LPP: variants seen among roughly 807,000 people sequenced by gnomAD.
LPP encodes LIM domain containing preferred translocation partner in lipoma, also known as lipoma-preferred partner.
In LPP, 38 loss-of-function variants were observed where a neutral mutation model predicts 60.4. That is an observed-to-expected ratio of 0.63 (90% CI 0.49 to 0.83). LPP has a LOEUF of 0.83. LPP is among the 40% of genes least tolerant of loss of function. The probability of loss-of-function intolerance (pLI) is 0.00; values close to 1 mark genes in which losing one functional copy is unlikely to be tolerated. For missense variants in LPP, 902 were observed against 783.6 expected, an observed-to-expected ratio of 1.15 and a Z score of -1.80; for synonymous variants, 328 against 290.8, an observed-to-expected ratio of 1.13 and a Z score of -1.30.
At chr3:188,789,578 T>TGGTGC (rs1743044909) in intron 9 of LPP, among the ~76,000 whole-genome samples, 4 of 152,202 alleles carry the variant, frequency 2.6e-5, no homozygotes, top group Admixed American at 2.0e-4. Flanking sequence ...TATGTGTCTG[T>TGGTGC]GGTGCTTTCC....
At chr3:188,240,306 T>C (rs551782166) in intron 2 of LPP, 1 of 167,348 alleles carries the variant, frequency 6.0e-6, no homozygotes, top group Admixed American at 6.4e-5. Flanking sequence ...CCTAACAAGG[T>C]TGTTGACTGC....
In LPP at chr3:188,511,593, A is replaced by G. The variant is rs374975871; in HGVS notation, c.307-13072A>G. 7.2e-5 allele frequency among the ~76,000 whole-genome samples: 11 copies of G among 151,966 alleles called. No homozygotes were observed. In the East Asian group the frequency reaches 2.0e-3, roughly 27 times the overall value. On this transcript the variant is annotated intron_variant, in intron 5 of 11. Coordinates refer to ENST00000617246, the MANE Select transcript of LPP (RefSeq NM_001375462.1). ...TTCCTAATGTCATGCAAAGTGCTAG[A>G]GCTTTGGAGCAAAATGTTTGATTTC...
chr3:188,804,946 G>A (rs1748624406), intron 9 of LPP, among the ~76,000 whole-genome samples: 1 of 151,926 alleles, frequency 6.6e-6, no homozygotes, highest in Non-Finnish European at 1.5e-5. Context: ...GACATAAGTT[G>A]GTATGATAAT....
intron 1 of LPP, among the ~76,000 whole-genome samples, chr3:188,162,167 A>G (rs1718484215): frequency 1.3e-5 from 2 of 152,174 alleles, no homozygotes; most frequent in South Asian, 4.1e-4. Context: ...TAGCACTTTT[A>G]ATGTAGCAAA....
chr3:188,827,050 G>A (rs577429335), intron 9 of LPP, among the ~76,000 whole-genome samples: 10 of 152,192 alleles, frequency 6.6e-5, no homozygotes, highest in Non-Finnish European at 1.3e-4. Context: ...CTTTGACTGG[G>A]GGCTTTTAAA....
chr3:188,439,568 T>A (rs1793256324), intron 4 of LPP, among the ~76,000 whole-genome samples: 1 of 152,220 alleles, frequency 6.6e-6, no homozygotes, highest in Admixed American at 6.5e-5. Context: ...AAGTTAAACC[T>A]GGGGACAGTT....
intron 7 of LPP, among the ~76,000 whole-genome samples, chr3:188,638,042 C>G (rs1292881478): frequency 6.7e-6 from 1 of 150,158 alleles, no homozygotes; most frequent in Admixed American, 6.7e-5. Flanking sequence ...GATACCAAAG[C>G]CTGGCAGAGA....
At chr3:188,292,056 C>G (rs1238711357) in intron 2 of LPP, among the ~76,000 whole-genome samples, 1 of 152,178 alleles carries the variant, frequency 6.6e-6, no homozygotes, top group African/African-American at 2.4e-5. Context: ...TGTTTCTCCC[C>G]AAGTTTAAAC....
At chr3:188,326,213 G>A (rs1275898210) in intron 2 of LPP, among the ~76,000 whole-genome samples, 2 of 152,162 alleles carry the variant, frequency 1.3e-5, no homozygotes, top group Non-Finnish European at 2.9e-5. Context: ...CGACTTTTAC[G>A]TTCTTTGTGC....
rs1004222826 is a variant in LPP at position 188,441,609 on chromosome 3, CTTTTTTTTTT to C, written c.193+35316_193+35325del. Among the ~76,000 whole-genome samples the C allele has an allele frequency of 1.7e-3, 96 of 55,666 alleles. 2 individuals carry two copies. The highest frequency in any genetic ancestry group is 5.9e-3 in the African/African-American group (79 of 13,344). The allele number at this position is 55,666 out of a possible 152,430, so 36.5% of individuals were successfully genotyped here. A position where few individuals can be genotyped will look rare whatever the true frequency, so the allele number is the denominator to read the frequency against. On this transcript the variant is annotated intron_variant, in intron 4 of 11. Coordinates refer to ENST00000617246, the MANE Select transcript of LPP (RefSeq NM_001375462.1). ...ACAGTTTCTTTTTTTCTTTTCTTTT[CTTTTTTTTTT>C]TTTTTTTTTTTTTTTTTTTGAGATG...
At position 188,277,688 on chromosome 3, in the gene LPP, C is replaced by A. The variant is rs184929587; in HGVS notation, c.-67+52161C>A. ...GTTTATGAACTGGTGGTCGAGGGTG[C>A]ATTTCCCTCCTAAGAAAACTCATTC... On this transcript the variant is annotated intron_variant, in intron 2 of 11. Coordinates refer to ENST00000617246, the MANE Select transcript of LPP (RefSeq NM_001375462.1). Among the ~76,000 whole-genome samples the A allele has an allele frequency of 3.9e-3, 589 of 152,262 alleles. 6 individuals carry two copies. Among genetic ancestry groups the A allele is most frequent in the African/African-American group, 0.013 (545 of 41,538 alleles).
At chr3:188,216,273 CTTTTT>C (rs1315000809) in intron 1 of LPP, among the ~76,000 whole-genome samples, 3 of 131,136 alleles carry the variant, frequency 2.3e-5, no homozygotes. Context: ...CTTCTTCTTC[CTTTTT>C]TTTTTTTTTT....
intron 3 of LPP, among the ~76,000 whole-genome samples, chr3:188,371,641 A>ATATATATACTTT (rs1553878071): frequency 3.1e-5 from 1 of 32,166 alleles, no homozygotes; most frequent in African/African-American, 1.2e-4. Context: ...ATATATATAT[A>ATATATATACTTT]TTTTTTTTTT....
intron 3 of LPP, among the ~76,000 whole-genome samples, chr3:188,389,135 G>A (rs73050752): frequency 0.011 from 1,689 of 151,864 alleles, 29 homozygotes; most frequent in African/African-American, 0.036. Context: ...ATGTGTGTGC[G>A]TATGTGTGTG....
At position 188,719,146 on chromosome 3, in the gene LPP, A is replaced by G. The variant is rs927545627; in HGVS notation, c.1240+10753A>G. Among the ~76,000 whole-genome samples, 25 of 152,310 alleles carry G rather than the reference A, an allele frequency of 1.6e-4. 1 individual carries two copies. Among genetic ancestry groups the G allele is most frequent in the African/African-American group, 5.8e-4 (24 of 41,566 alleles). Reference sequence around the variant, plus strand: ...TTAAAGGTTCAACTGGTCAATGAAGAGAGTACTTGGTTAAGATTTTATTTT... The same window carrying G: ...TTAAAGGTTCAACTGGTCAATGAAGGGAGTACTTGGTTAAGATTTTATTTT... On this transcript the variant is annotated intron_variant, in intron 8 of 11. Transcript: ENST00000617246.
intron 1 of LPP, among the ~76,000 whole-genome samples, chr3:188,196,935 A>T (rs1729705712): frequency 6.6e-6 from 1 of 152,144 alleles, no homozygotes; most frequent in Admixed American, 6.5e-5. Flanking sequence ...CTCTGCCTGG[A>T]ATACTCCTCT....
At chr3:188,314,554 T>C (rs991465945) in intron 2 of LPP, among the ~76,000 whole-genome samples, 5 of 152,168 alleles carry the variant, frequency 3.3e-5, no homozygotes, top group Admixed American at 3.3e-4. Context: ...AATATATTAA[T>C]GATCTGTGCT....
intron 7 of LPP, among the ~76,000 whole-genome samples, chr3:188,651,661 A>G (rs36119591): frequency 0.18 from 27,737 of 152,202 alleles, 3,181 homozygotes; most frequent in South Asian, 0.35. Context: ...GGCAACAGAC[A>G]AGAGAAGAGA....
chr3:188,203,258 G>T (rs1731621779), intron 1 of LPP, among the ~76,000 whole-genome samples: 1 of 118,190 alleles, frequency 8.5e-6, no homozygotes. Flanking sequence ...ATATAGTATA[G>T]TAAAATATAT....
Sources: gnomAD v4.1 joint callset for allele counts (sites outside exome capture counted in the v4.1 genomes callset) on GRCh38, gnomAD v4.1.1 for gene constraint, MANE v1.5 for transcripts, NCBI Gene and HGNC (gene_info 2026-07-23, HGNC 2026-07-21) for gene names.